Variants in RAB27B observed in about 807,000 individuals in gnomAD.
The protein encoded by RAB27B is ras-related protein Rab-27B.
RAB27B carries 15 observed loss-of-function variants against 24.6 expected under a neutral mutation model. The observed-to-expected ratio is 0.61, with a 90% CI of 0.41 to 0.94. The LOEUF is 0.94. Ranked by LOEUF, RAB27B falls within the 40% of genes least tolerant of loss-of-function variation. RAB27B has a pLI of 0.00. For synonymous variants in RAB27B, 105 were observed against 92.5 expected (o/e 1.14, Z -0.78); for missense variants, 261 against 266.8 (o/e 0.98, Z 0.15).
At chr18:54,730,344 G>A (rs1016714810) in intron 2 of RAB27B, among the ~76,000 whole-genome samples, 2 of 152,290 alleles carry the variant, frequency 1.3e-5, no homozygotes, top group Non-Finnish European at 2.9e-5. Flanking sequence ...GTGCTGACAT[G>A]GACTGCGCCT....
chr18:54,845,723 C>T (rs1911310354), intron 1 of RAB27B, among the ~76,000 whole-genome samples: 2 of 152,126 alleles, frequency 1.3e-5, no homozygotes, highest in African/African-American at 4.8e-5. Flanking sequence ...CAGAACAGAA[C>T]CCTCCTTTCT....
rs1229688597 is a variant in RAB27B at position 54,831,569 on chromosome 18, T to C, written c.-20+2869T>C. On this transcript the variant is annotated intron_variant, in intron 1 of 5. Coordinates refer to ENST00000262094, the MANE Select transcript of RAB27B (RefSeq NM_004163.4). ...TCGTCTAAGCCCTGTGGATAACAGATGTTAGTGAGATATACGAGGCCTCTG... is the reference window on the plus strand; with the variant it reads ...TCGTCTAAGCCCTGTGGATAACAGACGTTAGTGAGATATACGAGGCCTCTG... Among the ~76,000 whole-genome samples, 4 of 152,266 alleles carry C rather than the reference T, an allele frequency of 2.6e-5. No homozygotes were observed. The East Asian group carries it at 7.7e-4, about 29-fold the overall frequency.
intron 2 of RAB27B, among the ~76,000 whole-genome samples, chr18:54,819,655 T>C (rs1910238608): frequency 6.6e-6 from 1 of 152,086 alleles, no homozygotes; most frequent in Admixed American, 6.5e-5. Flanking sequence ...AGTTTTAGAG[T>C]ACATGTGCAC....
In RAB27B at chr18:54,833,471, C is replaced by A. The variant is rs1243708014; in HGVS notation, c.-20+4771C>A. Among the ~76,000 whole-genome samples, 8 of 152,240 alleles carry A rather than the reference C, an allele frequency of 5.3e-5. No individual in the cohort carries two copies. The East Asian group carries it at 1.4e-3, about 26-fold the overall frequency. Reference sequence around the variant, plus strand: ...TGAACTCCTGACCTCAGGTGATCCGCCTGCCTTGGCCTCCCAAAGTGCTGG... The same window carrying A: ...TGAACTCCTGACCTCAGGTGATCCGACTGCCTTGGCCTCCCAAAGTGCTGG... On this transcript the variant is annotated intron_variant, in intron 1 of 5. Transcript: ENST00000262094.
At chr18:54,784,999 C>T (rs1244349283) in intron 2 of RAB27B, among the ~76,000 whole-genome samples, 1 of 152,166 alleles carries the variant, frequency 6.6e-6, no homozygotes, top group Non-Finnish European at 1.5e-5. Flanking sequence ...ATGCCCTTTG[C>T]CCCCTCCCCT....
chr18:54,772,378 T>C lies in RAB27B; in HGVS notation c.-20+54237T>C, dbSNP rs562210894. ...TTATTCATCTGTGAATAACAGCATG[T>C]GCAAATGAAGACTGGGAATTAGAGC... is the stretch of plus-strand genomic sequence containing the variant. On this transcript the variant is annotated intron_variant, in intron 2 of 4. Transcript: ENST00000586570. Among the ~76,000 whole-genome samples, 31 of 152,342 alleles carry C rather than the reference T, an allele frequency of 2.0e-4. No individual in the cohort carries two copies. In the East Asian group the frequency reaches 5.8e-3, roughly 28 times the overall value.
chr18:54,888,524 C>T (rs1317027997), intron 5 of RAB27B, among the ~76,000 whole-genome samples: 1 of 151,976 alleles, frequency 6.6e-6, no homozygotes, highest in Non-Finnish European at 1.5e-5. Flanking sequence ...ATTCTTCTGC[C>T]TCTCAATCAA....
intron 1 of RAB27B, among the ~76,000 whole-genome samples, chr18:54,866,560 A>G (rs1036588765): frequency 6.6e-6 from 1 of 152,176 alleles, no homozygotes; most frequent in Non-Finnish European, 1.5e-5. Context: ...GGCCTCCCAA[A>G]GTACTGGGAT....
chr18:54,868,532 C>A (rs1912332739), intron 1 of RAB27B, among the ~76,000 whole-genome samples: 1 of 152,146 alleles, frequency 6.6e-6, no homozygotes, highest in Non-Finnish European at 1.5e-5. Context: ...TAACCTTGGG[C>A]ACACTTTGGC....
intron 1 of RAB27B, among the ~76,000 whole-genome samples, chr18:54,873,229 C>G (rs1047531351): frequency 6.6e-6 from 1 of 152,180 alleles, no homozygotes; most frequent in Non-Finnish European, 1.5e-5. Context: ...TTTACCTTTA[C>G]GACTCTTCAT....
At chr18:54,778,602 A>G (rs1001040639) in intron 2 of RAB27B, among the ~76,000 whole-genome samples, 2 of 152,332 alleles carry the variant, frequency 1.3e-5, no homozygotes, top group Admixed American at 6.5e-5. Context: ...CTCCTGGAGT[A>G]TAGCATTTAG....
At chr18:54,764,847 G>A (rs1380455656) in intron 2 of RAB27B, among the ~76,000 whole-genome samples, 1 of 152,100 alleles carries the variant, frequency 6.6e-6, no homozygotes, top group Non-Finnish European at 1.5e-5. Flanking sequence ...ACTGCCGCAT[G>A]CTGTCTGTGG....
intron 2 of RAB27B, among the ~76,000 whole-genome samples, chr18:54,799,647 T>A (rs1371272374): frequency 1.5e-5 from 1 of 66,646 alleles, no homozygotes; most frequent in Non-Finnish European, 3.0e-5. Flanking sequence ...TTTTTTTTTT[T>A]TAGACAGAGT....
intron 2 of RAB27B, among the ~76,000 whole-genome samples, chr18:54,808,376 C>T (rs12963264): frequency 0.96 from 145,851 of 152,248 alleles, 70,218 homozygotes; most frequent in East Asian, 1. Flanking sequence ...CTCATAAATG[C>T]TTCCCCTGAG....
intron 3 of RAB27B, chr18:54,879,939 TCCCAC>T: frequency 6.4e-6 from 1 of 155,086 alleles, no homozygotes; most frequent in Non-Finnish European, 1.4e-5. Context: ...TTTTACTCCT[TCCCAC>T]TTTTCCTGAT....
At chr18:54,860,615 G>C (rs534120764) in intron 1 of RAB27B, among the ~76,000 whole-genome samples, 1 of 152,228 alleles carries the variant, frequency 6.6e-6, no homozygotes, top group South Asian at 2.1e-4. Flanking sequence ...GATTTTCTGA[G>C]GTAGAACTCA....
At chr18:54,764,727 C>T (rs1451425383) in intron 2 of RAB27B, among the ~76,000 whole-genome samples, 4 of 152,108 alleles carry the variant, frequency 2.6e-5, no homozygotes, top group Admixed American at 2.0e-4. Flanking sequence ...TTTCCATTGT[C>T]CCTTTTATTT....
rs959111674 is a variant in RAB27B at position 54,891,867 on chromosome 18, G to C, written c.*2454G>C. 2.0e-5 allele frequency: 3 copies of C among 152,158 alleles called. No homozygotes were observed. Among genetic ancestry groups the C allele is most frequent in the Admixed American group, 2.0e-4 (3 of 15,254 alleles). The allele number at this position is 152,158 out of a possible 1,614,324, so 9.4% of individuals were successfully genotyped here. A position where few individuals can be genotyped will look rare whatever the true frequency, so the allele number is the denominator to read the frequency against. The stretch of plus-strand genomic sequence containing the variant: ...ATTGGGTAATAACTTCAAGAGGAAT[G>C]AGAAGTGACAAAATTGATTTAAAAT... On this transcript the variant is annotated 3_prime_UTR_variant, in exon 6 of 6. Coordinates refer to ENST00000262094, the MANE Select transcript of RAB27B (RefSeq NM_004163.4).
chr18:54,851,082 G>T (rs1911568892), intron 1 of RAB27B, among the ~76,000 whole-genome samples: 1 of 152,100 alleles, frequency 6.6e-6, no homozygotes, highest in African/African-American at 2.4e-5. Flanking sequence ...ATTAATTTGA[G>T]TTATAGTCCG....
Sources: gnomAD v4.1 joint callset for allele counts (sites outside exome capture counted in the v4.1 genomes callset) on GRCh38, gnomAD v4.1.1 for gene constraint, MANE v1.5 for transcripts, NCBI Gene and HGNC (gene_info 2026-07-23, HGNC 2026-07-21) for gene names.